The following SLFN12L variants were observed in gnomAD, a reference collection of about 807,000 sequenced individuals.
SLFN12L encodes schlafen family member 12 like.
SLFN12L carries 34 observed loss-of-function variants against 34.8 expected under a neutral mutation model. The ratio of observed to expected loss-of-function variants is 0.98; its 90% CI spans 0.74 to 1.30. The LOEUF is 1.30. Among genes scored for constraint, SLFN12L ranks in the 50% most tolerant of loss-of-function variants. The probability of loss-of-function intolerance (pLI) is 0.00; values close to 1 mark genes in which losing one functional copy is unlikely to be tolerated. For missense variants in SLFN12L, 703 were observed against 696.2 expected (o/e 1.01, Z -0.11); for synonymous variants, 259 against 247.5 (o/e 1.05, Z -0.44).
intron 2 of SLFN12L, among the ~76,000 whole-genome samples, chr17:35,500,960 G>A (rs376618383): frequency 3.9e-5 from 6 of 152,240 alleles, no homozygotes; most frequent in South Asian, 2.1e-4. Flanking sequence ...TTGCTTACTC[G>A]GGGAGCTCGG....
In SLFN12L at chr17:35,471,749, TCAC is replaced by T. The variant is rs1913812702; in HGVS notation, c.*3171_*3173del. 6.6e-6 allele frequency among the ~76,000 whole-genome samples: 1 copy of T among 151,638 alleles called. No individual in the cohort carries two copies. The highest frequency in any genetic ancestry group is 6.6e-5 in the Admixed American group (1 of 15,192). ...ATCTTTTATCTTGACTTTTCAATAA[TCAC>T]CATTTGACTTGTGTGAGATGGTGTC... On this transcript the variant is annotated 3_prime_UTR_variant, in exon 5 of 5. Coordinates refer to ENST00000628453, the MANE Select transcript of SLFN12L (RefSeq NM_001363830.2).
At chr17:35,505,221 G>A (rs552473608) in intron 2 of SLFN12L, among the ~76,000 whole-genome samples, 7 of 152,194 alleles carry the variant, frequency 4.6e-5, no homozygotes, top group South Asian at 4.1e-4. Flanking sequence ...AACTCATGTC[G>A]GCCCCAGCCC....
rs1213332947 is a variant in SLFN12L, at chr17:35,471,048, A to T, written c.*3875T>A. ...GGTGTATATGTACCACATTTTCTTT[A>T]TCCAGTCTATCACTGATGGGCATTT... On this transcript the variant is annotated 3_prime_UTR_variant, in exon 5 of 5. Coordinates refer to ENST00000628453, the MANE Select transcript of SLFN12L (RefSeq NM_001363830.2). Among the ~76,000 whole-genome samples the T allele has an allele frequency of 6.6e-6, 1 of 151,522 alleles. No individual in the cohort carries two copies. Among genetic ancestry groups the T allele is most frequent in the East Asian group, 1.9e-4 (1 of 5,148 alleles).
At chr17:35,516,440 A>G (rs1915832227) in intron 2 of SLFN12L, among the ~76,000 whole-genome samples, 1 of 152,122 alleles carries the variant, frequency 6.6e-6, no homozygotes, top group Non-Finnish European at 1.5e-5. Context: ...ATAGAACTAT[A>G]CTCCTTCTTT....
chr17:35,494,726 G>A lies in SLFN12L; in HGVS notation c.87-14531C>T, dbSNP rs540939231. 7.2e-5 allele frequency among the ~76,000 whole-genome samples: 11 copies of A among 152,292 alleles called. No homozygotes were observed. The East Asian group carries it at 1.5e-3, about 21-fold the overall frequency. On this transcript the variant is annotated intron_variant, in intron 2 of 4. Coordinates refer to ENST00000628453, the MANE Select transcript of SLFN12L (RefSeq NM_001363830.2). Reference sequence around the variant, plus strand: ...GCAGGAAGGGAGCAAGCTGGAGCAGGGGAGGGAGGGGCTTCTGTGGTGGGA... The same window carrying A: ...GCAGGAAGGGAGCAAGCTGGAGCAGAGGAGGGAGGGGCTTCTGTGGTGGGA...
chr17:35,495,427 G>T (rs1433801357), intron 2 of SLFN12L, among the ~76,000 whole-genome samples: 1 of 152,148 alleles, frequency 6.6e-6, no homozygotes, highest in Non-Finnish European at 1.5e-5. Context: ...GTCGATTATA[G>T]CTCAGTATAG....
intron 1 of SLFN12L, among the ~76,000 whole-genome samples, chr17:35,526,121 A>G (rs1479156634): frequency 6.6e-6 from 1 of 152,154 alleles, no homozygotes; most frequent in African/African-American, 2.4e-5. Flanking sequence ...AGGGCATTAC[A>G]TAATGGTAAA....
chr17:35,491,885 C>T lies in SLFN12L; in HGVS notation c.87-11690G>A, dbSNP rs1484221250. Among the ~76,000 whole-genome samples the T allele has an allele frequency of 5.9e-5, 9 of 152,188 alleles. No homozygotes were observed. In the South Asian group the frequency reaches 1.4e-3, roughly 25 times the overall value. On this transcript the variant is annotated intron_variant, in intron 2 of 4. Transcript: ENST00000628453. ...GATGAAGAACCTGTTTTCAAATATA[C>T]TTGTTGCAGATACAGAAGACTAGTA...
chr17:35,497,325 A>T (rs1223343194), intron 2 of SLFN12L, among the ~76,000 whole-genome samples: 2 of 152,200 alleles, frequency 1.3e-5, no homozygotes, highest in Non-Finnish European at 2.9e-5. Flanking sequence ...CGGGAGGCGG[A>T]GGTTGCAGTG....
chr17:35,533,192 C>T (rs2072427617), intron 1 of SLFN12L, among the ~76,000 whole-genome samples: 1 of 152,200 alleles, frequency 6.6e-6, no homozygotes. Context: ...TACATTTCAT[C>T]AAGAAGATGC....
At chr17:35,491,213 C>A (rs749344840) in intron 2 of SLFN12L, 10 of 1,094,676 alleles carry the variant, frequency 9.1e-6, no homozygotes, top group Admixed American at 2.4e-5. Context: ...GAAAAGCTCC[C>A]ACTGGTGGAA....
rs191474835 is a variant in SLFN12L, at chr17:35,464,473, A to G, written c.*10450T>C. On this transcript the variant is annotated 3_prime_UTR_variant, in exon 5 of 5. Coordinates refer to ENST00000628453, the MANE Select transcript of SLFN12L (RefSeq NM_001363830.2). ...GTCTGCTGTTTCCTTCTTTGTGTTC[A>G]TAAGTTCTTTCGTTTAGCTCCCATT... 1.8e-5 allele frequency: 2 copies of G among 112,630 alleles called. No individual in the cohort carries two copies. Among genetic ancestry groups the G allele is most frequent in the African/African-American group, 7.0e-5 (2 of 28,734 alleles). The allele number at this position is 112,630 out of a possible 1,614,324, so 7.0% of individuals were successfully genotyped here. A position where few individuals can be genotyped will look rare whatever the true frequency, so the allele number is the denominator to read the frequency against.
At position 35,464,296 on chromosome 17, in the gene SLFN12L, C is replaced by A. The variant is rs534254323; in HGVS notation, c.*10627G>T. 6.6e-6 allele frequency: 1 copy of A among 152,008 alleles called. No homozygotes were observed. Among genetic ancestry groups the A allele is most frequent in the Non-Finnish European group, 1.5e-5 (1 of 67,992 alleles). The allele number at this position is 152,008 out of a possible 1,614,324, so 9.4% of individuals were successfully genotyped here. ...TTAATTTTTATTTTAGGTTTGGGGG[C>A]GCATGTGAAGGCTCATTACACAGGT... is the stretch of plus-strand genomic sequence containing the variant. On this transcript the variant is annotated 3_prime_UTR_variant, in exon 5 of 5. Coordinates refer to ENST00000628453, the MANE Select transcript of SLFN12L (RefSeq NM_001363830.2).
rs16971026 is a variant in SLFN12L at position 35,498,477 on chromosome 17, C to T, written c.87-18282G>A. The T allele has an allele frequency of 8.6e-3, 10,464 of 1,221,320 alleles. 374 individuals carry two copies. In the African/African-American group the frequency reaches 0.1, roughly 12 times the overall value. 75.7% of individuals were successfully genotyped at this position (1,221,320 alleles called of 1,614,324 possible). A position where few individuals can be genotyped will look rare whatever the true frequency, so the allele number is the denominator to read the frequency against. Reference sequence around the variant, plus strand: ...TTTTCTCATCGATTCTGATTCCCCGCATAGCCACGAAGTGATGCCTCTCCT... The same window carrying T: ...TTTTCTCATCGATTCTGATTCCCCGTATAGCCACGAAGTGATGCCTCTCCT... On this transcript the variant is annotated intron_variant, in intron 2 of 4. Coordinates refer to ENST00000628453, the MANE Select transcript of SLFN12L (RefSeq NM_001363830.2).
chr17:35,514,851 C>T, intron 2 of SLFN12L: 1 of 398,666 alleles, frequency 2.5e-6, no homozygotes, highest in Non-Finnish European at 4.9e-6. Context: ...ATCTGGATCA[C>T]TGGTAGTGGA....
Position 35,464,701 on chromosome 17 carries a change from GA to G in SLFN12L, c.*10221del, listed in dbSNP as rs1045255063. The G allele has an allele frequency of 6.6e-6, 1 of 152,012 alleles. No homozygotes were observed. Among genetic ancestry groups the G allele is most frequent in the African/African-American group, 2.4e-5 (1 of 41,370 alleles). 9.4% of individuals were successfully genotyped at this position (152,012 alleles called of 1,614,324 possible). ...GCATTTAGGTTAATATAGACATAAT[GA>G]ATAGATTGTACATGTACATAGATAA... On this transcript the variant is annotated 3_prime_UTR_variant, in exon 5 of 5. Transcript: ENST00000628453.
chr17:35,508,416 A>G (rs1915534941), intron 2 of SLFN12L, among the ~76,000 whole-genome samples: 1 of 152,130 alleles, frequency 6.6e-6, no homozygotes, highest in Non-Finnish European at 1.5e-5. Context: ...GCACGATCTC[A>G]GCTCACTGCA....
At chr17:35,523,597 G>A (rs1172844577) in intron 1 of SLFN12L, among the ~76,000 whole-genome samples, 1 of 152,118 alleles carries the variant, frequency 6.6e-6, no homozygotes, top group East Asian at 1.9e-4. Flanking sequence ...AGGCAAACAA[G>A]GAACAATTAC....
intron 1 of SLFN12L, among the ~76,000 whole-genome samples, chr17:35,530,517 GA>G (rs1567694687): frequency 0.017 from 1,016 of 60,662 alleles, 65 homozygotes; most frequent in African/African-American, 0.061. Context: ...AGAAAGAAAA[GA>G]AAAGAAAAGA....
Sources: allele counts gnomAD v4.1 joint callset (sites outside exome capture counted in the v4.1 genomes callset), GRCh38; gene constraint gnomAD v4.1.1; transcripts MANE v1.5; gene names NCBI Gene and HGNC (gene_info 2026-07-23, HGNC 2026-07-21).